FOLR1: variants seen among roughly 807,000 people sequenced by gnomAD.
The protein encoded by FOLR1 is folate receptor alpha.
A neutral mutation model predicts 22.8 loss-of-function variants in FOLR1; 11 were observed. The observed-to-expected ratio is 0.48, with a 90% CI of 0.30 to 0.80. FOLR1 has a LOEUF of 0.80. Among genes scored for constraint, FOLR1 ranks in the 30% least tolerant of loss-of-function variants. The probability of loss-of-function intolerance (pLI) is 0.06; values close to 1 mark genes in which losing one functional copy is unlikely to be tolerated. For missense variants in FOLR1, 273 were observed against 320.3 expected (o/e 0.85, Z 1.13); for synonymous variants, 108 against 116.5 (o/e 0.93, Z 0.47).
Position 72,195,805 on chromosome 11 carries a change from G to T in FOLR1, c.493+58G>T, listed in dbSNP as rs1220629886. On this transcript the variant is annotated intron_variant, in intron 3 of 3. Coordinates refer to ENST00000393676, the MANE Select transcript of FOLR1 (RefSeq NM_016729.3). Reference sequence around the variant, plus strand: ...TTGGAAGTGGAGGTGTGTGGGTGTGGAACAGGTATGTGACAATTTGGAGTT... The same window carrying T: ...TTGGAAGTGGAGGTGTGTGGGTGTGTAACAGGTATGTGACAATTTGGAGTT... 5.0e-6 allele frequency: 8 copies of T among 1,614,004 alleles called. No homozygotes were observed. In the Admixed American group the frequency reaches 1.0e-4, roughly 20 times the overall value.
upstream of FOLR1, chr11:72,192,059 A>G: frequency 8.5e-7 from 1 of 1,171,220 alleles, no homozygotes; most frequent in Non-Finnish European, 1.3e-6. Context: ...GCAGGGCTCT[A>G]TCTGCCCCAG....
chr11:72,191,973 A>C (rs1319741376), upstream of FOLR1: 2 of 596,050 alleles, frequency 3.4e-6, no homozygotes, highest in Non-Finnish European at 6.0e-6. Context: ...TGGAGAAGGC[A>C]ATGAGGCTCA....
rs796052445 is a variant in FOLR1 at position 72,196,127 on chromosome 11, T to A, written c.724T>A (p.Trp242Arg). Residue 242 changes from tryptophan to arginine, a missense_variant, in exon 4 of 4, where the codon TGG becomes AGG. Transcript: ENST00000393676. ...AMSGAGPWAA[W>R]PFLLSLALML... The stretch of plus-strand genomic sequence containing the variant: ...GAGTGGGGCTGGGCCCTGGGCAGCC[T>A]GGCCTTTCCTGCTTAGCCTGGCCCT... The A allele has an allele frequency of 9.9e-6, 16 of 1,614,066 alleles. 1 individual carries two copies. The highest frequency in any genetic ancestry group is 3.3e-4 in the Middle Eastern group (2 of 6,078).
Position 72,196,296 on chromosome 11 carries a change from C to T in FOLR1, c.*119C>T, listed in dbSNP as rs547449252. On this transcript the variant is annotated 3_prime_UTR_variant, in exon 4 of 4. Transcript: ENST00000393676. Reference sequence around the variant, plus strand: ...CAGCCACTTTGAATAAACCAGACACCGCACATGTGTCTTGAGAATTATTTG... The same window carrying T: ...CAGCCACTTTGAATAAACCAGACACTGCACATGTGTCTTGAGAATTATTTG... The T allele has an allele frequency of 3.4e-5, 33 of 970,480 alleles. No individual in the cohort carries two copies. Among genetic ancestry groups the T allele is most frequent in the East Asian group, 7.7e-5 (3 of 39,052 alleles). The allele number at this position is 970,480 out of a possible 1,614,324, so 60.1% of individuals were successfully genotyped here.
chr11:72,192,061 C>T, upstream of FOLR1: 1 of 1,203,248 alleles, frequency 8.3e-7, no homozygotes. Flanking sequence ...AGGGCTCTAT[C>T]TGCCCCAGGC....
chr11:72,193,377 A>AAGGAAAGGGAAGG (rs1948182290), intron 1 of FOLR1, among the ~76,000 whole-genome samples: 1 of 145,666 alleles, frequency 6.9e-6, no homozygotes, highest in Admixed American at 6.9e-5. Flanking sequence ...GAAGGGGAGG[A>AAGGAAAGGGAAGG]AGGAAAGGGA....
Position 72,195,824 on chromosome 11 carries a change from T to C in FOLR1, c.494-73T>C, listed in dbSNP as rs1041397551. On this transcript the variant is annotated intron_variant, in intron 3 of 3. Coordinates refer to ENST00000393676, the MANE Select transcript of FOLR1 (RefSeq NM_016729.3). ...GGTGTGGAACAGGTATGTGACAATT[T>C]GGAGTTGTAGGGCTGGCAGACCTCA... 5 of 1,614,092 alleles carry C rather than the reference T, an allele frequency of 3.1e-6. No individual in the cohort carries two copies. The Admixed American group carries it at 8.3e-5, about 27-fold the overall frequency.
upstream of FOLR1, among the ~76,000 whole-genome samples, chr11:72,191,701 A>G (rs1187689223): frequency 1.3e-5 from 2 of 152,192 alleles, no homozygotes; most frequent in African/African-American, 2.4e-5. Context: ...TTTGGTGTCA[A>G]AATCTGACCT....
chr11:72,191,997 TG>T, upstream of FOLR1: 1 of 645,994 alleles, frequency 1.5e-6, no homozygotes, highest in Non-Finnish European at 2.7e-6. Flanking sequence ...CAGGGAGGGG[TG>T]GTGTCTAATC....
intron 1 of FOLR1, among the ~76,000 whole-genome samples, chr11:72,192,584 G>A (rs1948171267): frequency 6.6e-6 from 1 of 152,192 alleles, no homozygotes; most frequent in African/African-American, 2.4e-5. Context: ...GAGAGCCTGG[G>A]AAATGAAGTT....
rs1948219692 is a variant in FOLR1, at chr11:72,195,641, A to G, written c.387A>G (p.Val129=). ...ATCAGAGCTGGCGCAAAGAGCGGGT[A>G]CTGAACGTGCCCCTGTGCAAAGAGG... ...QVDQSWRKER[V]LNVPLCKEDC... Residue 129 remains valine, a synonymous_variant, in exon 3 of 4, where the codon GTA becomes GTG. Coordinates refer to ENST00000393676, the MANE Select transcript of FOLR1 (RefSeq NM_016729.3). 1 of 1,614,244 alleles carries G rather than the reference A, an allele frequency of 6.2e-7. No homozygotes were observed. Among genetic ancestry groups the G allele is most frequent in the Non-Finnish European group, 8.5e-7 (1 of 1,180,038 alleles).
Position 72,195,259 on chromosome 11 carries a change from T to TC in FOLR1, c.169-7dup. 1 of 1,613,592 alleles carries TC rather than the reference T, an allele frequency of 6.2e-7. No individual in the cohort carries two copies. Among genetic ancestry groups the TC allele is most frequent in the Non-Finnish European group, 8.5e-7 (1 of 1,179,802 alleles). On this transcript the variant is annotated splice_polypyrimidine_tract_variant and intron_variant, in intron 1 of 3. Coordinates refer to ENST00000393676, the MANE Select transcript of FOLR1 (RefSeq NM_016729.3). The stretch of plus-strand genomic sequence containing the variant: ...TGGCTGTGGACTGAGTCCTCTGTCT[T>TC]CCCCCATCCAGTGTCGACCCTGGAG...
Position 72,192,156 on chromosome 11 carries a change from C to A in FOLR1, c.-18C>A. 1 of 1,614,032 alleles carries A rather than the reference C, an allele frequency of 6.2e-7. No homozygotes were observed. The highest frequency in any genetic ancestry group is 8.5e-7 in the Non-Finnish European group (1 of 1,179,922). The stretch of plus-strand genomic sequence containing the variant: ...TTCCTTGGTGCCACTGACCACAGCT[C>A]TTTCTTCAGGGACAGACATGGCTCA... On this transcript the variant is annotated 5_prime_UTR_variant, in exon 1 of 4. Transcript: ENST00000393676.
chr11:72,196,202 G>A lies in FOLR1; in HGVS notation c.*25G>A. ...ACCTCCTTTTACCTTCTGATACCTG[G>A]AAATCCCTGCCCTGTTCAGCCCCAC... On this transcript the variant is annotated 3_prime_UTR_variant, in exon 4 of 4. Transcript: ENST00000393676. 1 of 1,613,824 alleles carries A rather than the reference G, an allele frequency of 6.2e-7. No individual in the cohort carries two copies. The highest frequency in any genetic ancestry group is 1.1e-5 in the South Asian group (1 of 91,052).
At chr11:72,191,511 C>A (rs7113391), upstream of FOLR1, among the ~76,000 whole-genome samples, 5,739 of 152,042 alleles carry the variant, frequency 0.038, 200 homozygotes, top group African/African-American at 0.091. Context: ...TACAGGCACA[C>A]GACACCGCAC....
rs749242260 is a variant in FOLR1 at position 72,195,445 on chromosome 11, C to T, written c.343C>T (p.Pro115Ser). The change falls in exon 2 of 4, where the codon CCC becomes TCC. Residue 115 changes from proline (P) to serine (S), a missense_variant. Physicochemically the swap from Pro to Ser is moderately conservative, Grantham distance 74. Coordinates refer to ENST00000393676, the MANE Select transcript of FOLR1 (RefSeq NM_016729.3). ...CTACGAGTGCTCCCCCAACTTGGGG[C>T]CCTGGATCCAGCAGGTATGCATGGC... ...CLYECSPNLGPWIQQVDQSWR... is the reference protein window; with the variant it reads ...CLYECSPNLGSWIQQVDQSWR... 7.4e-6 allele frequency: 12 copies of T among 1,614,094 alleles called. No individual in the cohort carries two copies. Among genetic ancestry groups the T allele is most frequent in the Non-Finnish European group, 1.0e-5 (12 of 1,180,050 alleles).
chr11:72,195,324 C>T lies in FOLR1; in HGVS notation c.222C>T (p.Ala74=). 6.2e-7 allele frequency: 1 copy of T among 1,614,188 alleles called. No individual in the cohort carries two copies. Among genetic ancestry groups the T allele is most frequent in the Non-Finnish European group, 8.5e-7 (1 of 1,180,036 alleles). The stretch of plus-strand genomic sequence containing the variant: ...GTTCTACCAACACCAGCCAGGAAGC[C>T]CATAAGGATGTTTCCTACCTATATA... The part of the protein sequence containing the change: ...ACCSTNTSQE[A]HKDVSYLYRF... Residue 74 remains alanine, a synonymous_variant, in exon 2 of 4, where the codon GCC becomes GCT. Coordinates refer to ENST00000393676, the MANE Select transcript of FOLR1 (RefSeq NM_016729.3).
chr11:72,195,157 A>G, intron 1 of FOLR1, 114 bp from the exon 2 acceptor site: 1 of 1,059,026 alleles, frequency 9.4e-7, no homozygotes, highest in Non-Finnish European at 1.5e-6. Flanking sequence ...TTCCTGGGTG[A>G]CTTCCAGTGG....
Position 72,195,979 on chromosome 11 carries a change from C to A in FOLR1, c.576C>A (p.Ile192=). ...FPTPTVLCNE[I]WTHSYKVSNY... is the part of the protein sequence containing the mutation. ...CACCCACTGTTCTGTGCAATGAAATCTGGACTCACTCCTACAAGGTCAGCA... is the reference window on the plus strand; with the variant it reads ...CACCCACTGTTCTGTGCAATGAAATATGGACTCACTCCTACAAGGTCAGCA... The change falls in exon 4 of 4, where the codon ATC becomes ATA. Residue 192 remains isoleucine (I), a synonymous_variant. Coordinates refer to ENST00000393676, the MANE Select transcript of FOLR1 (RefSeq NM_016729.3). 2 of 1,614,230 alleles carry A rather than the reference C, an allele frequency of 1.2e-6. No individual in the cohort carries two copies. The highest frequency in any genetic ancestry group is 1.3e-5 in the African/African-American group (1 of 75,060).
Sources: allele counts gnomAD v4.1 joint callset (sites outside exome capture counted in the v4.1 genomes callset), GRCh38; gene constraint gnomAD v4.1.1; transcripts MANE v1.5; gene names NCBI Gene and HGNC (gene_info 2026-07-23, HGNC 2026-07-21).